The following COL20A1 variants were observed in gnomAD, a reference collection of about 807,000 sequenced individuals.
COL20A1 encodes collagen type XX alpha 1 chain.
A neutral mutation model predicts 152.9 loss-of-function variants in COL20A1; 164 were observed. That is an observed-to-expected ratio of 1.07 (90% CI 0.94 to 1.22). COL20A1 has a LOEUF of 1.22. Ranked by LOEUF, COL20A1 falls within the 50% of genes most tolerant of loss-of-function variation. The pLI, the probability that COL20A1 is intolerant of heterozygous loss-of-function variation, is 0.00. For missense variants in COL20A1, 1,873 were observed against 1,744.8 expected, an observed-to-expected ratio of 1.07 and a Z score of -1.31; for synonymous variants, 864 against 756.0, an observed-to-expected ratio of 1.14 and a Z score of -2.34.
intron 3 of COL20A1, among the ~76,000 whole-genome samples, chr20:63,303,023 G>A (rs149085035): frequency 1.3e-5 from 2 of 152,200 alleles, no homozygotes; most frequent in African/African-American, 4.8e-5. Flanking sequence ...AGATTGTTCA[G>A]TAGGTATGGG....
At chr20:63,330,370 G>T (rs2068317376) in intron 35 of COL20A1, among the ~76,000 whole-genome samples, 1 of 152,172 alleles carries the variant, frequency 6.6e-6, no homozygotes, top group Non-Finnish European at 1.5e-5. Flanking sequence ...GCAGGGGCTA[G>T]GAGGGCTGAG....
In COL20A1 at chr20:63,327,945, T is replaced by C. The variant is rs775493621; in HGVS notation, c.3529-7T>C. ...GCTGACTTCTTTTCTCTTCCCCTCC[T>C]CATCAGGGACTGCCAGGGCCCAAAG... On this transcript the variant is annotated splice_region_variant and splice_polypyrimidine_tract_variant and intron_variant, in intron 31 of 35. Transcript: ENST00000358894. The C allele has an allele frequency of 2.5e-6, 4 of 1,596,096 alleles. No individual in the cohort carries two copies. Among genetic ancestry groups the C allele is most frequent in the Admixed American group, 1.7e-5 (1 of 57,654 alleles).
intron 2 of COL20A1, 105 bp downstream of exon 2, chr20:63,295,294 A>G: frequency 1.4e-6 from 1 of 707,258 alleles, no homozygotes. Context: ...CTTCCTCCTA[A>G]GTTGAATGCG....
rs777692696 is a variant in COL20A1, at chr20:63,309,746, C to A, written c.1106-12C>A. On this transcript the variant is annotated splice_polypyrimidine_tract_variant and intron_variant, in intron 9 of 35. Transcript: ENST00000358894. ...AGTGACCACCTGCCCCCCACTCCCG[C>A]TACTCCAGCAGCAGCGGCTCCAGCC... The A allele has an allele frequency of 4.5e-6, 7 of 1,553,182 alleles. No individual in the cohort carries two copies. In the African/African-American group the frequency reaches 8.2e-5, roughly 18 times the overall value.
Position 63,319,337 on chromosome 20 carries a change from C to A in COL20A1, c.2806+137C>A. 1.8e-6 allele frequency: 2 copies of A among 1,136,570 alleles called. No individual in the cohort carries two copies. The highest frequency in any genetic ancestry group is 2.5e-6 in the Non-Finnish European group (2 of 807,190). The allele number at this position is 1,136,570 out of a possible 1,614,324, so 70.4% of individuals were successfully genotyped here. On this transcript the variant is annotated intron_variant, in intron 22 of 35. Coordinates refer to ENST00000358894, the MANE Select transcript of COL20A1 (RefSeq NM_020882.4). This position sits in a 1 kb window ranked among gnomAD's most constrained non-coding sequence, Gnocchi z 4.4. ...ACCCTCTGGGTGGGAGGCAGGTGTC[C>A]CGGGCAGGGGGCTGTGGGCCACATT... is the stretch of plus-strand genomic sequence containing the variant.
At position 63,313,075 on chromosome 20, in the gene COL20A1, C is replaced by T; in HGVS notation, c.2077-42C>T. The stretch of plus-strand genomic sequence containing the variant: ...ACTGCCCGGCCCCCCAACCTGAGGA[C>T]CCCACTGCACCCGGTGACCCCTGGG... On this transcript the variant is annotated intron_variant, in intron 16 of 35. Transcript: ENST00000358894. This position sits in a 1 kb window ranked among gnomAD's most constrained non-coding sequence, Gnocchi z 5.9. The T allele has an allele frequency of 6.3e-7, 1 of 1,583,792 alleles. No individual in the cohort carries two copies. The highest frequency in any genetic ancestry group is 8.6e-7 in the Non-Finnish European group (1 of 1,165,420).
In COL20A1 at chr20:63,333,136, C is replaced by G. The variant is rs1315509738; in HGVS notation, c.*2420C>G. 6.6e-6 allele frequency: 1 copy of G among 152,362 alleles called. No individual in the cohort carries two copies. Among genetic ancestry groups the G allele is most frequent in the Non-Finnish European group, 1.5e-5 (1 of 68,208 alleles). The allele number at this position is 152,362 out of a possible 1,614,324, so 9.4% of individuals were successfully genotyped here. A position where few individuals can be genotyped will look rare whatever the true frequency, so the allele number is the denominator to read the frequency against. The stretch of plus-strand genomic sequence containing the variant: ...GGCCACAGCTCTCCCCTCCAGAGGC[C>G]CCTCTGTAGTGGGCCTCGGTCCCCT... On this transcript the variant is annotated 3_prime_UTR_variant, in exon 36 of 36. Transcript: ENST00000358894.
rs544087309 is a variant in COL20A1, at chr20:63,297,514, C to T, written c.83-396C>T. 2.5e-4 allele frequency among the ~76,000 whole-genome samples: 38 copies of T among 152,328 alleles called. No homozygotes were observed. In the East Asian group the frequency reaches 7.0e-3, roughly 28 times the overall value. On this transcript the variant is annotated intron_variant, in intron 2 of 35. Coordinates refer to ENST00000358894, the MANE Select transcript of COL20A1 (RefSeq NM_020882.4). ...AGGGCCCTGGGCAGGTTGCCAGCTG[C>T]TGTGTTGGCTCGGGGCCTCCGATCA...
chr20:63,329,596 G>A lies in COL20A1; in HGVS notation c.3793G>A (p.Ala1265Thr). Residue 1265 changes from alanine to threonine, a missense_variant, in exon 35 of 36, where the codon GCT becomes ACT. Physicochemically the swap from Ala to Thr is moderately conservative, Grantham distance 58. Transcript: ENST00000358894. ...RHLEGRGEPG[A>T]VGQMGSPGQQ... ...CCCTTTCCTCGCAGGGGAGCCTGGA[G>A]CTGTTGGTCAGATGGGCAGCCCTGG... is the stretch of plus-strand genomic sequence containing the variant. 3 of 1,609,462 alleles carry A rather than the reference G, an allele frequency of 1.9e-6. No individual in the cohort carries two copies. The South Asian group carries it at 3.3e-5, about 18-fold the overall frequency.
At chr20:63,317,611 C>T (rs1379239588) in intron 21 of COL20A1, among the ~76,000 whole-genome samples, 1 of 151,992 alleles carries the variant, frequency 6.6e-6, no homozygotes, top group Non-Finnish European at 1.5e-5. Flanking sequence ...TTTGTCCCCA[C>T]ACAGCCGCCG....
chr20:63,301,923 C>T lies in COL20A1; in HGVS notation c.194-3494C>T, dbSNP rs2067867273. Among the ~76,000 whole-genome samples, 3 of 152,200 alleles carry T rather than the reference C, an allele frequency of 2.0e-5. No individual in the cohort carries two copies. The South Asian group carries it at 6.2e-4, about 32-fold the overall frequency. On this transcript the variant is annotated intron_variant, in intron 3 of 35. Transcript: ENST00000358894. ...ATTAATGATACATTTGAGTTTATAT[C>T]TATAATCTTCCCTTTTTATTACACT...
At chr20:63,318,656 G>A (rs914255864) in intron 21 of COL20A1, among the ~76,000 whole-genome samples, 5 of 152,152 alleles carry the variant, frequency 3.3e-5, no homozygotes, top group African/African-American at 9.7e-5. Flanking sequence ...CCGGGAGCAC[G>A]GGTCTTGGTG....
In COL20A1 at chr20:63,322,288, T is replaced by G. The variant is rs76401164; in HGVS notation, c.3294+177T>G. Among the ~76,000 whole-genome samples the G allele has an allele frequency of 1.6e-4, 24 of 151,796 alleles. No homozygotes were observed. In the East Asian group the frequency reaches 4.7e-3, roughly 30 times the overall value. ...CCCAGCACCCCAGGAGTCCAGGGGGTTTAGGCTGGCCTCCCCCATGTGCCT... is the reference window on the plus strand; with the variant it reads ...CCCAGCACCCCAGGAGTCCAGGGGGGTTAGGCTGGCCTCCCCCATGTGCCT... On this transcript the variant is annotated intron_variant, in intron 27 of 35. Coordinates refer to ENST00000358894, the MANE Select transcript of COL20A1 (RefSeq NM_020882.4).
intron 10 of COL20A1, 136 bp downstream of exon 10, chr20:63,310,051 A>G: frequency 1.1e-6 from 1 of 880,576 alleles, no homozygotes; most frequent in South Asian, 1.8e-5. Flanking sequence ...AGGGGCTGAC[A>G]GCCCAGGGAC....
In COL20A1 at chr20:63,319,508, A is replaced by G; in HGVS notation, c.2828A>G (p.Tyr943Cys). Residue 943 changes from tyrosine (Y) to cysteine (C), a missense_variant, in exon 23 of 36, where the codon TAC becomes TGC. By Grantham distance (194) the Tyr-to-Cys change is radical. Coordinates refer to ENST00000358894, the MANE Select transcript of COL20A1 (RefSeq NM_020882.4). This position sits in a 1 kb window ranked among gnomAD's most constrained non-coding sequence, Gnocchi z 4.4. Reference sequence around the variant, plus strand: ...GCAGCCGGGAAGAAGTCCCTGACCTACTTCCACCGTGACCCCAGGGCTGCC... The same window carrying G: ...GCAGCCGGGAAGAAGTCCCTGACCTGCTTCCACCGTGACCCCAGGGCTGCC... The part of the protein sequence containing the change: ...LLDAGKKSLT[Y>C]FHRDPRAALQ... The G allele has an allele frequency of 6.3e-7, 1 of 1,588,230 alleles. No individual in the cohort carries two copies. Among genetic ancestry groups the G allele is most frequent in the South Asian group, 1.2e-5 (1 of 86,806 alleles).
In COL20A1 at chr20:63,311,782, GC is replaced by G; in HGVS notation, c.1663+35del. The G allele has an allele frequency of 1.3e-6, 2 of 1,565,886 alleles. No homozygotes were observed. The highest frequency in any genetic ancestry group is 1.3e-5 in the African/African-American group (1 of 74,242). On this transcript the variant is annotated intron_variant, in intron 13 of 35. Coordinates refer to ENST00000358894, the MANE Select transcript of COL20A1 (RefSeq NM_020882.4). The surrounding 1 kb of genome is among the most constrained non-coding windows in gnomAD (Gnocchi z 4.4). ...TCCAACCCCGGCTGCCTGCCCACAGGCGGGTGCCCCATCTTGTTCCTCAGCC... is the reference window on the plus strand; with the variant it reads ...TCCAACCCCGGCTGCCTGCCCACAGGGGGTGCCCCATCTTGTTCCTCAGCC...
chr20:63,293,887 G>A (rs566515569), intron 1 of COL20A1, among the ~76,000 whole-genome samples: 85 of 135,044 alleles, frequency 6.3e-4, no homozygotes, highest in Non-Finnish European at 1.2e-3. Context: ...GCGTGTATTG[G>A]GGGGGTCTCT....
chr20:63,312,766 C>T (rs1296666079), intron 15 of COL20A1, 26 bp from the exon 16 acceptor site: 1 of 1,527,412 alleles, frequency 6.5e-7, no homozygotes, highest in Non-Finnish European at 8.9e-7. Context: ...GGCTACACCC[C>T]CAGCCTGTGT....
chr20:63,307,754 C>T, intron 6 of COL20A1, 106 bp downstream of exon 6: 1 of 1,351,716 alleles, frequency 7.4e-7, no homozygotes. Context: ...CCAGGGCTCT[C>T]ACCTTGTGGG....
Sources: allele counts gnomAD v4.1 joint callset (sites outside exome capture counted in the v4.1 genomes callset), GRCh38; gene constraint gnomAD v4.1.1; non-coding constraint Gnocchi (gnomAD v3.1); transcripts MANE v1.5; gene names NCBI Gene and HGNC (gene_info 2026-07-23, HGNC 2026-07-21).